The following TRIM2 variants were observed in gnomAD, a reference collection of about 807,000 sequenced individuals.
The protein encoded by TRIM2 is tripartite motif containing 2.
TRIM2 carries 20 observed loss-of-function variants against 75.2 expected under a neutral mutation model. The observed-to-expected ratio is 0.27, with a 90% confidence interval of 0.19 to 0.39. TRIM2 has a LOEUF of 0.39. Ranked by LOEUF, TRIM2 falls within the 10% of genes least tolerant of loss-of-function variation. TRIM2 has a pLI of 1.00. For synonymous variants in TRIM2, 373 were observed against 388.3 expected (o/e 0.96, Z 0.46); for missense variants, 660 against 990.8 (o/e 0.67, Z 4.48).
At chr4:153,308,506 G>T in intron 6 of TRIM2, 1 of 757,896 alleles carries the variant, frequency 1.3e-6, no homozygotes, top group South Asian at 1.3e-5. Context: ...TGACTTAAGT[G>T]CTGATACAAG....
At chr4:153,235,288 A>AT (rs111641294) in intron 1 of TRIM2, among the ~76,000 whole-genome samples, 24,973 of 145,080 alleles carry the variant, frequency 0.17, 3,946 homozygotes, top group African/African-American at 0.43. Context: ...AGTTAAGATA[A>AT]TTTTTTTTTT....
intron 1 of TRIM2, among the ~76,000 whole-genome samples, chr4:153,205,550 A>G (rs575095864): frequency 6.6e-6 from 1 of 152,276 alleles, no homozygotes; most frequent in South Asian, 2.1e-4. Context: ...CTTTGATCAG[A>G]TAAGTTTCTG....
chr4:153,330,784 C>T (rs1260224230), intron 11 of TRIM2, among the ~76,000 whole-genome samples: 1 of 152,062 alleles, frequency 6.6e-6, no homozygotes, highest in Non-Finnish European at 1.5e-5. Context: ...GAATGCATTC[C>T]CTATAGAGCA....
At chr4:153,164,513 A>T (rs1560778273) in intron 1 of TRIM2, among the ~76,000 whole-genome samples, 1 of 151,938 alleles carries the variant, frequency 6.6e-6, no homozygotes, top group Non-Finnish European at 1.5e-5. Context: ...TCATTCTTTT[A>T]TTCAAATAAG....
intron 3 of TRIM2, 42 bp downstream of exon 3, chr4:153,276,172 A>G (rs577378339): frequency 7.7e-6 from 12 of 1,549,208 alleles, no homozygotes; most frequent in Non-Finnish European, 1.1e-5. Context: ...GAGCATGACT[A>G]CTGTGGCCTT....
chr4:153,338,391 A>G lies in TRIM2; in HGVS notation c.*3425A>G, dbSNP rs1381933792. 1.0e-5 allele frequency: 10 copies of G among 985,602 alleles called. No homozygotes were observed. The highest frequency in any genetic ancestry group is 6.2e-5 in the Admixed American group (1 of 16,256). The allele number at this position is 985,602 out of a possible 1,614,324, so 61.1% of individuals were successfully genotyped here. ...AAAAGGGAGGAGTATTTTTAGTTTG[A>G]CAATTTAATAATTTAAAAACAAGAC... On this transcript the variant is annotated 3_prime_UTR_variant, in exon 12 of 12. Transcript: ENST00000338700.
At chr4:153,203,525 T>C (rs915196688), upstream of TRIM2, among the ~76,000 whole-genome samples, 2 of 151,568 alleles carry the variant, frequency 1.3e-5, no homozygotes, top group African/African-American at 4.9e-5. Context: ...TGTACCAATC[T>C]TGCAGTGAGC....
intron 6 of TRIM2, chr4:153,308,137 C>T: frequency 8.9e-7 from 1 of 1,126,520 alleles, no homozygotes; most frequent in Non-Finnish European, 1.4e-6. Context: ...CACTTGGGAA[C>T]TTCAGTTCCT....
chr4:153,173,719 G>A (rs1280097894), intron 1 of TRIM2, among the ~76,000 whole-genome samples: 2 of 151,870 alleles, frequency 1.3e-5, no homozygotes, highest in Admixed American at 1.3e-4. Flanking sequence ...TGCAATCCCT[G>A]CACTTTGGGA....
chr4:153,326,752 G>A lies in TRIM2; in HGVS notation c.2023-1778G>A, dbSNP rs908490545. Among the ~76,000 whole-genome samples the A allele has an allele frequency of 3.9e-5, 6 of 152,172 alleles. No homozygotes were observed. The East Asian group carries it at 5.8e-4, about 15-fold the overall frequency. ...TCCCAGCACTCTGGGACGCCAAGGC[G>A]GACAGCTCACCTGAGGTCAGGAGTT... On this transcript the variant is annotated intron_variant, in intron 10 of 11. Coordinates refer to ENST00000338700, the MANE Select transcript of TRIM2 (RefSeq NM_015271.5).
intron 1 of TRIM2, among the ~76,000 whole-genome samples, chr4:153,157,856 G>A (rs2149588527): frequency 6.6e-6 from 1 of 152,358 alleles, no homozygotes; most frequent in African/African-American, 2.4e-5. Flanking sequence ...TTTCAGGCAT[G>A]AGACCAACCT....
chr4:153,316,813 T>G (rs1767690818), intron 8 of TRIM2, among the ~76,000 whole-genome samples: 1 of 145,242 alleles, frequency 6.9e-6, no homozygotes, highest in South Asian at 2.3e-4. Flanking sequence ...CTACATTTGC[T>G]CATAAAAAAA....
At chr4:153,332,531 G>A (rs1771701580) in intron 11 of TRIM2, among the ~76,000 whole-genome samples, 1 of 152,078 alleles carries the variant, frequency 6.6e-6, no homozygotes, top group South Asian at 2.1e-4. Context: ...TGTAATCCCA[G>A]CTACTTGGGA....
intron 3 of TRIM2, among the ~76,000 whole-genome samples, chr4:153,288,037 C>T (rs10031079): frequency 0.22 from 33,215 of 151,866 alleles, 4,166 homozygotes; most frequent in African/African-American, 0.35. Flanking sequence ...GATAGTTTTG[C>T]CAGATAAAAA....
intron 3 of TRIM2, among the ~76,000 whole-genome samples, chr4:153,287,088 C>T (rs994761520): frequency 6.6e-6 from 1 of 151,968 alleles, no homozygotes; most frequent in Non-Finnish European, 1.5e-5. Flanking sequence ...AATTGATATT[C>T]CTGCCTCAGC....
intron 8 of TRIM2, among the ~76,000 whole-genome samples, chr4:153,316,213 G>C (rs188524439): frequency 6.6e-6 from 1 of 152,138 alleles, no homozygotes; most frequent in East Asian, 1.9e-4. Flanking sequence ...GTTTTTTAAA[G>C]CAATTAGGTT....
At chr4:153,193,452 G>T (rs1733441146) in intron 1 of TRIM2, among the ~76,000 whole-genome samples, 1 of 152,172 alleles carries the variant, frequency 6.6e-6, no homozygotes, top group Non-Finnish European at 1.5e-5. Context: ...TTTAAGTGAA[G>T]AAATCTATGA....
intron 1 of TRIM2, among the ~76,000 whole-genome samples, chr4:153,173,103 C>T (rs1731047169): frequency 6.6e-6 from 1 of 152,202 alleles, no homozygotes; most frequent in South Asian, 2.1e-4. Context: ...ACCCTTCGGC[C>T]TGGGTTTAGG....
At chr4:153,298,232 A>G (rs1763145517) in intron 6 of TRIM2, among the ~76,000 whole-genome samples, 1 of 152,260 alleles carries the variant, frequency 6.6e-6, no homozygotes, top group South Asian at 2.1e-4. Context: ...TCAATGAAGT[A>G]AAGATGCTGT....
Sources: gnomAD v4.1 joint callset for allele counts (sites outside exome capture counted in the v4.1 genomes callset) on GRCh38, gnomAD v4.1.1 for gene constraint, MANE v1.5 for transcripts, NCBI Gene and HGNC (gene_info 2026-07-23, HGNC 2026-07-21) for gene names.